Variants in GSE1 observed in about 807,000 individuals in gnomAD.
The protein encoded by GSE1 is genetic suppressor element 1.
GSE1 carries 32 observed loss-of-function variants against 112.6 expected under a neutral mutation model. The observed-to-expected ratio is 0.28, with a 90% CI of 0.21 to 0.38. The LOEUF is 0.38. Ranked by LOEUF, GSE1 falls within the 10% of genes least tolerant of loss-of-function variation. The pLI is 1.00. For synonymous variants in GSE1, 1,115 were observed against 735.6 expected, an observed-to-expected ratio of 1.52 and a Z score of -8.35; for missense variants, 2,348 against 1,699.2, an observed-to-expected ratio of 1.38 and a Z score of -6.71.
At chr16:85,485,739 T>C (rs1197944799) in intron 2 of GSE1, among the ~76,000 whole-genome samples, 3 of 152,202 alleles carry the variant, frequency 2.0e-5, no homozygotes, top group Non-Finnish European at 2.9e-5. Flanking sequence ...GTTCCTGTAA[T>C]TGGGCCGCCT....
In GSE1 at chr16:85,674,113, G is replaced by A. The variant is rs1019929835; in HGVS notation, c.*1574G>A. The stretch of plus-strand genomic sequence containing the variant: ...CCCAAGGGCCCTCACCAGAGGCCAG[G>A]GCTGCCAGTCACTGGTCTGGGGGGT... On this transcript the variant is annotated 3_prime_UTR_variant, in exon 16 of 16. Coordinates refer to ENST00000253458, the MANE Select transcript of GSE1 (RefSeq NM_014615.5). 1 of 152,278 alleles carries A rather than the reference G, an allele frequency of 6.6e-6. No homozygotes were observed. Among genetic ancestry groups the A allele is most frequent in the African/African-American group, 2.4e-5 (1 of 41,446 alleles). The allele number at this position is 152,278 out of a possible 1,614,324, so 9.4% of individuals were successfully genotyped here. A position where few individuals can be genotyped will look rare whatever the true frequency, so the allele number is the denominator to read the frequency against.
rs1041334774 is a variant in GSE1, at chr16:85,613,398, G to A, written c.7G>A (p.Gly3Ser). Residue 3 changes from glycine to serine, a missense_variant and splice_region_variant, in exon 1 of 16, where the codon GGC (glycine) becomes AGC (serine). Physicochemically the swap from Gly to Ser is moderately conservative, Grantham distance 56. Coordinates refer to ENST00000253458, the MANE Select transcript of GSE1 (RefSeq NM_014615.5). The stretch of plus-strand genomic sequence containing the variant: ...GGAGCTGCGGGGCCCTGGCATGAAA[G>A]GTGAGCGCGCCGCACCCGGCCGGGG... MK[G>S]MSHEPKSPSL... The A allele has an allele frequency of 1.3e-6, 2 of 1,563,304 alleles. No individual in the cohort carries two copies. The highest frequency in any genetic ancestry group is 1.7e-6 in the Non-Finnish European group (2 of 1,155,138).
intron 2 of GSE1, among the ~76,000 whole-genome samples, chr16:85,463,568 G>A (rs1276728171): frequency 6.6e-6 from 1 of 152,168 alleles, no homozygotes; most frequent in Non-Finnish European, 1.5e-5. Context: ...CTGCTTGTGT[G>A]TGGACTTCGT....
intron 1 of GSE1, among the ~76,000 whole-genome samples, chr16:85,353,863 C>T (rs2046899022): frequency 6.6e-6 from 1 of 152,256 alleles, no homozygotes; most frequent in Non-Finnish European, 1.5e-5. Context: ...TGTGTTCCAA[C>T]CTCCTGTCCT....
rs1473076177 is a variant in GSE1 at position 85,673,076 on chromosome 16, T to C, written c.*537T>C. ...TTCATTTTACTTTCCTGCAAAATTT[T>C]CTTCAAAGCAACAAGTCCTAGGAGC... On this transcript the variant is annotated 3_prime_UTR_variant, in exon 16 of 16. Coordinates refer to ENST00000253458, the MANE Select transcript of GSE1 (RefSeq NM_014615.5). The C allele has an allele frequency of 6.6e-6, 1 of 151,710 alleles. No individual in the cohort carries two copies. The highest frequency in any genetic ancestry group is 6.5e-5 in the Admixed American group (1 of 15,282). The allele number at this position is 151,710 out of a possible 1,614,324, so 9.4% of individuals were successfully genotyped here.
intron 2 of GSE1, among the ~76,000 whole-genome samples, chr16:85,367,568 G>A (rs756917308): frequency 2.6e-5 from 4 of 152,332 alleles, no homozygotes; most frequent in Admixed American, 2.0e-4. Flanking sequence ...CTTTAGACGG[G>A]TGGTCGCAGA....
intron 1 of GSE1, among the ~76,000 whole-genome samples, chr16:85,561,001 G>C (rs146956403): frequency 1.5e-4 from 23 of 152,086 alleles, no homozygotes; most frequent in African/African-American, 5.3e-4. Context: ...TCGTGGTGGT[G>C]CCTGCCTGTA....
chr16:85,664,956 T>TA, intron 11 of GSE1, 59 bp from the exon 12 acceptor site: 1 of 1,146,260 alleles, frequency 8.7e-7, no homozygotes, highest in Non-Finnish European at 1.3e-6. Context: ...AATCCCGCTG[T>TA]CCTTCTCTCC....
chr16:85,613,253 G>C, upstream of GSE1: 1 of 1,524,050 alleles, frequency 6.6e-7, no homozygotes, highest in South Asian at 1.2e-5. Context: ...TCTTGGCCGG[G>C]GCCCCGGAAG....
intron 1 of GSE1, among the ~76,000 whole-genome samples, chr16:85,205,198 C>T (rs764810256): frequency 7.9e-5 from 12 of 152,104 alleles, no homozygotes; most frequent in East Asian, 3.8e-4. Context: ...GGCATGATCT[C>T]GGCTCACTGC....
At chr16:85,249,183 C>T (rs889708483) in intron 1 of GSE1, among the ~76,000 whole-genome samples, 3 of 152,236 alleles carry the variant, frequency 2.0e-5, no homozygotes, top group African/African-American at 7.2e-5. Context: ...TAAGCAGCAG[C>T]GGCCGCATTT....
In GSE1 at chr16:85,675,222, C is replaced by G. The variant is rs577726236; in HGVS notation, c.*2683C>G. 1 of 152,182 alleles carries G rather than the reference C, an allele frequency of 6.6e-6. No homozygotes were observed. The highest frequency in any genetic ancestry group is 1.5e-5 in the Non-Finnish European group (1 of 68,038). 9.4% of individuals were successfully genotyped at this position (152,182 alleles called of 1,614,324 possible). ...TCTGCTCTGGAGTCGATTATGCCACCTGTGTGTCAGGATGCACCTGAAAGC... is the reference window on the plus strand; with the variant it reads ...TCTGCTCTGGAGTCGATTATGCCACGTGTGTGTCAGGATGCACCTGAAAGC... On this transcript the variant is annotated 3_prime_UTR_variant, in exon 16 of 16. Coordinates refer to ENST00000253458, the MANE Select transcript of GSE1 (RefSeq NM_014615.5).
At chr16:85,409,281 T>G (rs533036060) in intron 2 of GSE1, among the ~76,000 whole-genome samples, 9 of 30,744 alleles carry the variant, frequency 2.9e-4, no homozygotes, top group Non-Finnish European at 3.1e-4. Flanking sequence ...AGGGTCCCTC[T>G]GATAATCCTC....
rs146762745 is a variant in GSE1, at chr16:85,663,417, G to A, written c.2447G>A (p.Arg816Lys). 9.7e-4 allele frequency: 1,559 copies of A among 1,613,980 alleles called. 1 individual carries two copies. The highest frequency in any genetic ancestry group is 1.3e-3 in the Non-Finnish European group (1,484 of 1,180,036). ...GAGGAATTGGTGGCCCAGAAGCGGA[G>A]GAAGCGGCGGAGGATGCTGCGAGAG... is the stretch of plus-strand genomic sequence containing the variant. Reference protein sequence around the residue: ...QKEELVAQKRRKRRRMLRERS... With the variant: ...QKEELVAQKRKKRRRMLRERS... The change falls in exon 11 of 16, where the codon AGG (arginine) becomes AAG (lysine). Residue 816 changes from arginine to lysine, a missense_variant. By Grantham distance (26) the Arg-to-Lys change is conservative. Coordinates refer to ENST00000253458, the MANE Select transcript of GSE1 (RefSeq NM_014615.5).
intron 1 of GSE1, among the ~76,000 whole-genome samples, chr16:85,209,707 G>A (rs941631410): frequency 9.9e-5 from 15 of 152,224 alleles, no homozygotes; most frequent in African/African-American, 2.4e-4. Context: ...GTCACGACAC[G>A]TGATCCCGAG....
intron 1 of GSE1, among the ~76,000 whole-genome samples, chr16:85,344,255 C>T (rs1218849038): frequency 6.6e-6 from 1 of 152,124 alleles, no homozygotes; most frequent in African/African-American, 2.4e-5. Context: ...GAGGAGGAGG[C>T]AGAGAACATT....
At chr16:85,524,367 C>T (rs1330386710) in intron 2 of GSE1, among the ~76,000 whole-genome samples, 1 of 152,112 alleles carries the variant, frequency 6.6e-6, no homozygotes, top group Non-Finnish European at 1.5e-5. Context: ...CTCTGGGCCT[C>T]TGTCTACTTA....
At chr16:85,283,271 T>G (rs1292725380) in intron 1 of GSE1, 1 of 152,868 alleles carries the variant, frequency 6.5e-6, no homozygotes, top group Non-Finnish European at 1.5e-5. Context: ...CCTCGCTGCG[T>G]CCTAACCAAA....
chr16:85,300,286 A>G (rs1027585993), intron 1 of GSE1, among the ~76,000 whole-genome samples: 1 of 152,230 alleles, frequency 6.6e-6, no homozygotes, highest in Non-Finnish European at 1.5e-5. Context: ...TGCTGGGATT[A>G]CAGGCGTGAG....
Sources: gnomAD v4.1 joint callset for allele counts (sites outside exome capture counted in the v4.1 genomes callset) on GRCh38, gnomAD v4.1.1 for gene constraint, MANE v1.5 for transcripts, NCBI Gene and HGNC (gene_info 2026-07-23, HGNC 2026-07-21) for gene names.